Variants in RGS7 observed in about 807,000 individuals in gnomAD.
RGS7 encodes the protein regulator of G-protein signaling 7.
A neutral mutation model predicts 81.1 loss-of-function variants in RGS7; 27 were observed. That is an observed-to-expected ratio of 0.33 (90% confidence interval 0.25 to 0.46). RGS7 has a LOEUF of 0.46. Among genes scored for constraint, RGS7 ranks in the 20% least tolerant of loss-of-function variants. The pLI is 1.00. For missense variants in RGS7, 396 were observed against 607.4 expected (o/e 0.65, Z 3.66); for synonymous variants, 208 against 207.7 (o/e 1.00, Z -0.01).
At chr1:241,162,086 C>G (rs1321123490) in intron 2 of RGS7, among the ~76,000 whole-genome samples, 1 of 151,966 alleles carries the variant, frequency 6.6e-6, no homozygotes, top group African/African-American at 2.4e-5. Flanking sequence ...CCAACCCCTC[C>G]CCAGGAATGT....
At chr1:241,296,038 T>A (rs996229710) in intron 2 of RGS7, among the ~76,000 whole-genome samples, 1 of 152,094 alleles carries the variant, frequency 6.6e-6, no homozygotes, top group Non-Finnish European at 1.5e-5. Context: ...GTCCATGGAG[T>A]ATCTTGAGAA....
chr1:241,015,494 T>TA (rs1230825322), intron 3 of RGS7, among the ~76,000 whole-genome samples: 1 of 152,184 alleles, frequency 6.6e-6, no homozygotes, highest in Non-Finnish European at 1.5e-5. Context: ...TATTGACCAT[T>TA]ATAGCTTCAT....
intron 3 of RGS7, among the ~76,000 whole-genome samples, chr1:240,996,373 A>ATC (rs2148611085): frequency 6.6e-6 from 1 of 152,258 alleles, no homozygotes; most frequent in East Asian, 1.9e-4. Flanking sequence ...TGATCTATGG[A>ATC]TCTATCAGTT....
At chr1:241,063,730 G>T (rs2061871670) in intron 3 of RGS7, among the ~76,000 whole-genome samples, 1 of 151,514 alleles carries the variant, frequency 6.6e-6, no homozygotes, top group South Asian at 2.1e-4. Context: ...AACCTATTAT[G>T]TACCAAGCAC....
chr1:241,294,638 G>A (rs1417659955), intron 2 of RGS7, among the ~76,000 whole-genome samples: 1 of 152,126 alleles, frequency 6.6e-6, no homozygotes, highest in Non-Finnish European at 1.5e-5. Context: ...GACTCACCCA[G>A]AGCAACTCCC....
chr1:240,845,284 C>T (rs951706253), intron 9 of RGS7, among the ~76,000 whole-genome samples: 1 of 152,184 alleles, frequency 6.6e-6, no homozygotes, highest in Admixed American at 6.5e-5. Flanking sequence ...GTAGCCGCCT[C>T]TCAGAGATGT....
chr1:240,875,359 A>AT (rs1230938184), intron 6 of RGS7, among the ~76,000 whole-genome samples: 1 of 152,134 alleles, frequency 6.6e-6, no homozygotes, highest in Non-Finnish European at 1.5e-5. Context: ...CAAATACAAG[A>AT]TTTTTTGTAT....
At chr1:241,158,675 T>G (rs1026160856) in intron 2 of RGS7, among the ~76,000 whole-genome samples, 1 of 152,216 alleles carries the variant, frequency 6.6e-6, no homozygotes, top group African/African-American at 2.4e-5. Flanking sequence ...ATTTTAGATC[T>G]GCCCCAAACT....
chr1:240,993,135 GAGGAA>G (rs376876582), intron 3 of RGS7, among the ~76,000 whole-genome samples: 3 of 137,470 alleles, frequency 2.2e-5, no homozygotes, highest in African/African-American at 8.1e-5. Flanking sequence ...AGGAAGGAAG[GAGGAA>G]AGGAAAGGAA....
At chr1:241,044,122 T>G (rs2060781404) in intron 3 of RGS7, among the ~76,000 whole-genome samples, 2 of 150,490 alleles carry the variant, frequency 1.3e-5, no homozygotes, top group Non-Finnish European at 1.5e-5. Flanking sequence ...GTTTTTTTTT[T>G]TTTTGGTTTG....
At chr1:241,328,087 T>C (rs1157453529) in intron 2 of RGS7, among the ~76,000 whole-genome samples, 1 of 152,184 alleles carries the variant, frequency 6.6e-6, no homozygotes. Flanking sequence ...TTTTATGAAG[T>C]CAGGATTGTT....
chr1:240,899,550 G>A (rs1379153265), intron 6 of RGS7, among the ~76,000 whole-genome samples: 2 of 152,162 alleles, frequency 1.3e-5, no homozygotes, highest in African/African-American at 2.4e-5. Context: ...AGGAAGCTTA[G>A]TTTGGCTGCA....
At chr1:240,988,894 G>A (rs182695291) in intron 3 of RGS7, among the ~76,000 whole-genome samples, 1 of 152,300 alleles carries the variant, frequency 6.6e-6, no homozygotes, top group East Asian at 1.9e-4. Context: ...CTATGTCTTG[G>A]TGCTTCCTTG....
chr1:240,940,526 C>T (rs1427533288), intron 4 of RGS7, among the ~76,000 whole-genome samples: 2 of 152,094 alleles, frequency 1.3e-5, no homozygotes, highest in Non-Finnish European at 2.9e-5. Context: ...TATTTTAGTC[C>T]CAGCAGTCTG....
At chr1:241,094,535 G>A (rs2064117004) in intron 3 of RGS7, among the ~76,000 whole-genome samples, 1 of 151,786 alleles carries the variant, frequency 6.6e-6, no homozygotes, top group East Asian at 2.0e-4. Flanking sequence ...TGGCATAGAG[G>A]AATTATCCAA....
chr1:240,980,060 T>TA (rs528365340), intron 4 of RGS7, among the ~76,000 whole-genome samples: 4 of 151,998 alleles, frequency 2.6e-5, no homozygotes, highest in Non-Finnish European at 5.9e-5. Flanking sequence ...ATATGTAAAC[T>TA]AAAAAAAATC....
chr1:240,977,091 TACACAC>T (rs60732630), intron 4 of RGS7, among the ~76,000 whole-genome samples: 39,613 of 133,466 alleles, frequency 0.3, 6,199 homozygotes, highest in East Asian at 0.5. Flanking sequence ...TATCCATCTG[TACACAC>T]ACACACACAC....
intron 2 of RGS7, among the ~76,000 whole-genome samples, chr1:241,227,665 G>C (rs915049051): frequency 2.6e-5 from 4 of 151,800 alleles, no homozygotes; most frequent in African/African-American, 9.7e-5. Context: ...TTGAGCCCAG[G>C]AGGCTGAGGC....
In RGS7 at chr1:241,030,373, T is replaced by TATATATATATATATACACACAC. The variant is rs374223475; in HGVS notation, c.176-47245_176-47244insGTGTGTGTATATATATATATAT. 4.6e-4 allele frequency among the ~76,000 whole-genome samples: 62 copies of TATATATATATATATACACACAC among 135,232 alleles called. 2 individuals carry two copies. The highest frequency in any genetic ancestry group is 1.6e-3 in the African/African-American group (55 of 35,330). The allele number at this position is 135,232 out of a possible 152,430, so 88.7% of individuals were successfully genotyped here. On this transcript the variant is annotated intron_variant, in intron 3 of 18. Transcript: ENST00000440928. ...CCAGAACTTATAGCATATATATATA[T>TATATATATATATATACACACAC]ACATACACACATACATACACACACA...
Sources: allele counts gnomAD v4.1 joint callset (sites outside exome capture counted in the v4.1 genomes callset), GRCh38; gene constraint gnomAD v4.1.1; transcripts MANE v1.5; gene names NCBI Gene and HGNC (gene_info 2026-07-23, HGNC 2026-07-21).